IGF2BP2: variants seen among roughly 807,000 people sequenced by gnomAD.
The protein encoded by IGF2BP2 is insulin like growth factor 2 mRNA binding protein 2.
In IGF2BP2, 17 loss-of-function variants were observed where a neutral mutation model predicts 75.8. The ratio of observed to expected loss-of-function variants is 0.22; its 90% CI spans 0.15 to 0.34. The LOEUF is 0.34. Among genes scored for constraint, IGF2BP2 ranks in the 10% least tolerant of loss-of-function variants. The probability of loss-of-function intolerance (pLI) is 1.00; values close to 1 mark genes in which losing one functional copy is unlikely to be tolerated. For missense variants in IGF2BP2, 516 were observed against 772.4 expected (o/e 0.67, Z 3.93); for synonymous variants, 288 against 295.6 (o/e 0.97, Z 0.26).
intron 10 of IGF2BP2, 103 bp downstream of exon 10, chr3:185,672,438 G>T: frequency 1.7e-6 from 2 of 1,180,386 alleles, no homozygotes; most frequent in Non-Finnish European, 1.2e-6. Flanking sequence ...CTCGAGCATG[G>T]CCTTTAAATG....
intron 2 of IGF2BP2, among the ~76,000 whole-genome samples, chr3:185,712,190 T>C (rs1438047297): frequency 2.6e-5 from 4 of 152,340 alleles, no homozygotes; most frequent in Admixed American, 1.3e-4. Context: ...ATTATGCTTA[T>C]TTTTTATTTA....
intron 2 of IGF2BP2, among the ~76,000 whole-genome samples, chr3:185,807,951 C>T (rs1398949747): frequency 6.6e-6 from 1 of 152,076 alleles, no homozygotes; most frequent in Non-Finnish European, 1.5e-5. Flanking sequence ...TGACATTGTC[C>T]TGATCCTCAG....
rs373436836 is a variant in IGF2BP2, at chr3:185,713,944, G to A, written c.240-15597C>T. 2.2e-4 allele frequency among the ~76,000 whole-genome samples: 34 copies of A among 152,248 alleles called. 1 individual carries two copies. In the South Asian group the frequency reaches 4.6e-3, roughly 20 times the overall value. ...TTGAACTCCTGACCTCAGGTGATCC[G>A]CCCATCTTGGCCTCCCAAAGTGCTG... On this transcript the variant is annotated intron_variant, in intron 2 of 15. Coordinates refer to ENST00000382199, the MANE Select transcript of IGF2BP2 (RefSeq NM_006548.6).
chr3:185,687,793 TA>T lies in IGF2BP2; in HGVS notation c.678-603del, dbSNP rs1424692102. Among the ~76,000 whole-genome samples the T allele has an allele frequency of 5.9e-5, 9 of 152,360 alleles. No homozygotes were observed. The South Asian group carries it at 1.7e-3, about 28-fold the overall frequency. On this transcript the variant is annotated intron_variant, in intron 6 of 15. Coordinates refer to ENST00000382199, the MANE Select transcript of IGF2BP2 (RefSeq NM_006548.6). ...TAGTTGTGGTCCTACCTGTTTTTGT[TA>T]ACTTTCAAAATTACATAACTGATTA... is the stretch of plus-strand genomic sequence containing the variant.
chr3:185,769,415 C>T (rs1223391740), intron 2 of IGF2BP2, among the ~76,000 whole-genome samples: 1 of 151,944 alleles, frequency 6.6e-6, no homozygotes, highest in African/African-American at 2.4e-5. Context: ...AAAGAGACAG[C>T]AAACACTCAG....
intron 2 of IGF2BP2, among the ~76,000 whole-genome samples, chr3:185,795,384 T>C (rs1737226757): frequency 6.6e-6 from 1 of 152,204 alleles, no homozygotes; most frequent in South Asian, 2.1e-4. Flanking sequence ...CAATGGACAC[T>C]CGGGCCACTT....
rs892022301 is a variant in IGF2BP2 at position 185,646,722 on chromosome 3, C to CT, written c.1707+302dup. 5.1e-4 allele frequency among the ~76,000 whole-genome samples: 77 copies of CT among 152,164 alleles called. 2 individuals are homozygous for CT. ...GCCTGAGGAGAGAGGGTGAGGGAAG[C>CT]TGAGGCCATGCCCTTAAACACTGCA... On this transcript the variant is annotated intron_variant, in intron 15 of 15. Coordinates refer to ENST00000382199, the MANE Select transcript of IGF2BP2 (RefSeq NM_006548.6).
intron 2 of IGF2BP2, among the ~76,000 whole-genome samples, chr3:185,813,782 C>T (rs960388350): frequency 9.9e-5 from 15 of 152,280 alleles, no homozygotes; most frequent in African/African-American, 3.6e-4. Context: ...CATGCCTCCC[C>T]AGCTTCCCCA....
chr3:185,708,800 C>T (rs1395687494), intron 2 of IGF2BP2, among the ~76,000 whole-genome samples: 2 of 152,140 alleles, frequency 1.3e-5, no homozygotes, highest in African/African-American at 4.8e-5. Context: ...AGAACATTCA[C>T]GTGTGCTTGA....
intron 15 of IGF2BP2, among the ~76,000 whole-genome samples, chr3:185,646,202 A>G (rs1713506381): frequency 6.6e-6 from 1 of 152,132 alleles, no homozygotes; most frequent in African/African-American, 2.4e-5. Context: ...GAGACAGCAG[A>G]CAGGGGCGTG....
At chr3:185,755,412 C>G (rs1731490108) in intron 2 of IGF2BP2, among the ~76,000 whole-genome samples, 1 of 152,206 alleles carries the variant, frequency 6.6e-6, no homozygotes, top group Admixed American at 6.5e-5. Flanking sequence ...TACAGGAAAG[C>G]TTGTATAGGA....
chr3:185,819,227 A>G (rs541825132), intron 2 of IGF2BP2, among the ~76,000 whole-genome samples: 48 of 152,298 alleles, frequency 3.2e-4, no homozygotes, highest in Admixed American at 5.2e-4. Flanking sequence ...CAGCTGCACT[A>G]CATATCACAA....
chr3:185,736,337 C>G (rs1728847809), intron 2 of IGF2BP2, among the ~76,000 whole-genome samples: 1 of 152,232 alleles, frequency 6.6e-6, no homozygotes, highest in East Asian at 1.9e-4. Context: ...TAAGACTGCC[C>G]TCTAAATTCT....
At chr3:185,794,936 C>T (rs953204100) in intron 2 of IGF2BP2, among the ~76,000 whole-genome samples, 2 of 151,814 alleles carry the variant, frequency 1.3e-5, no homozygotes, top group East Asian at 1.9e-4. Context: ...CTCACTCTGT[C>T]GCCCAGGCTG....
intron 2 of IGF2BP2, among the ~76,000 whole-genome samples, chr3:185,797,307 A>C (rs920616359): frequency 6.6e-5 from 10 of 152,220 alleles, no homozygotes; most frequent in African/African-American, 2.4e-4. Flanking sequence ...TGTCCTATCC[A>C]GAGCCACACA....
chr3:185,696,935 GT>G (rs1722658115), intron 3 of IGF2BP2, among the ~76,000 whole-genome samples: 1 of 152,094 alleles, frequency 6.6e-6, no homozygotes, highest in South Asian at 2.1e-4. Context: ...AATCACATTC[GT>G]CATGATGGTT....
At chr3:185,755,252 G>T (rs1731465526) in intron 2 of IGF2BP2, among the ~76,000 whole-genome samples, 2 of 152,312 alleles carry the variant, frequency 1.3e-5, no homozygotes, top group South Asian at 2.1e-4. Flanking sequence ...TCCAGCCACG[G>T]TTCACAGGGC....
chr3:185,711,729 G>A (rs1724828853), intron 2 of IGF2BP2, among the ~76,000 whole-genome samples: 3 of 152,142 alleles, frequency 2.0e-5, no homozygotes, highest in Non-Finnish European at 4.4e-5. Flanking sequence ...CCTGGACGCA[G>A]CCCAGGAGTG....
intron 12 of IGF2BP2, among the ~76,000 whole-genome samples, chr3:185,653,987 C>T (rs759563745): frequency 9.9e-5 from 15 of 152,172 alleles, no homozygotes; most frequent in Non-Finnish European, 2.1e-4. Flanking sequence ...ATTTTGTTTC[C>T]TCTCAGTGTG....
Sources: gnomAD v4.1 joint callset for allele counts (sites outside exome capture counted in the v4.1 genomes callset) on GRCh38, gnomAD v4.1.1 for gene constraint, MANE v1.5 for transcripts, NCBI Gene and HGNC (gene_info 2026-07-23, HGNC 2026-07-21) for gene names.